Variants in ITPR3 observed in about 807,000 individuals in gnomAD.
ITPR3 encodes inositol 1,4,5-trisphosphate-gated calcium channel ITPR3.
A neutral mutation model predicts 293.2 loss-of-function variants in ITPR3; 173 were observed. The observed-to-expected ratio is 0.59, with a 90% CI of 0.52 to 0.67. The LOEUF is 0.67. Among genes scored for constraint, ITPR3 ranks in the 30% least tolerant of loss-of-function variants. The pLI is 0.00. For synonymous variants in ITPR3, 1,295 were observed against 1,444.4 expected (o/e 0.90, Z 2.35); for missense variants, 2,796 against 3,592.1 (o/e 0.78, Z 5.66).
rs866608789 is a variant in ITPR3 at position 33,668,527 on chromosome 6, C to T, written c.1899C>T (p.Tyr633=). The T allele has an allele frequency of 1.2e-6, 2 of 1,614,190 alleles. No individual in the cohort carries two copies. The highest frequency in any genetic ancestry group is 1.6e-4 in the Middle Eastern group (1 of 6,062). The change falls in exon 17 of 58, where the codon TAC becomes TAT. Residue 633 remains tyrosine, a synonymous_variant. Coordinates refer to ENST00000605930, the MANE Select transcript of ITPR3 (RefSeq NM_002224.4). ...GTCACCACCCCAGGTTCCTGGACTA[C>T]CTCTCTGACCTGTGTGTGTCCAACC... The part of the protein sequence containing the change: ...RKNREPRFLD[Y]LSDLCVSNHI...
intron 8 of ITPR3, 92 bp downstream of exon 8, chr6:33,662,766 C>T: frequency 6.5e-7 from 1 of 1,535,380 alleles, no homozygotes; most frequent in Non-Finnish European, 8.8e-7. Context: ...GATATTGACC[C>T]CTACCTCCCT....
chr6:33,676,581 G>A (rs1764912342), intron 25 of ITPR3, among the ~76,000 whole-genome samples, 187 bp from the exon 26 acceptor site: 2 of 152,246 alleles, frequency 1.3e-5, no homozygotes, highest in African/African-American at 4.8e-5. Flanking sequence ...GTGGCCAGCA[G>A]GGAAGGCTTC....
intron 7 of ITPR3, among the ~76,000 whole-genome samples, chr6:33,661,690 CA>C (rs1764472328): frequency 6.6e-6 from 1 of 152,084 alleles, no homozygotes; most frequent in Admixed American, 6.6e-5. Context: ...TGAGGTCACA[CA>C]GCTTTTAAGA....
Position 33,621,627 on chromosome 6 carries a change from C to T in ITPR3, c.25C>T (p.His9Tyr), listed in dbSNP as rs201726270. ...CATGAGTGAAATGTCCAGCTTTCTT[C>T]ACATCGGGGACATCGTCTCCCTGTA... MSEMSSFL[H>Y]IGDIVSLYAE... The change falls in exon 1 of 58, where the codon CAC becomes TAC. Residue 9 changes from histidine (H) to tyrosine (Y), a missense_variant. Around this residue, in one of 8 missense-constraint regions of ITPR3, gnomAD observed 22 missense variants for 56.5 expected, o/e 0.39. Transcript: ENST00000605930. This position sits in a 1 kb window ranked among gnomAD's most constrained non-coding sequence, Gnocchi z 7.7. 88 of 1,607,530 alleles carry T rather than the reference C, an allele frequency of 5.5e-5. No individual in the cohort carries two copies. The African/African-American group carries it at 9.1e-4, about 17-fold the overall frequency.
chr6:33,680,519 T>G, intron 32 of ITPR3, 36 bp from the exon 33 acceptor site: 2 of 1,610,884 alleles, frequency 1.2e-6, no homozygotes. Flanking sequence ...GGGCCCCATG[T>G]GAGGAGCCCC....
intron 2 of ITPR3, among the ~76,000 whole-genome samples, chr6:33,648,517 A>G (rs1277746698): frequency 1.3e-5 from 2 of 148,856 alleles, no homozygotes; most frequent in African/African-American, 4.9e-5. Flanking sequence ...ACCTTTATAA[A>G]CCTGAGAGTC....
At position 33,667,367 on chromosome 6, in the gene ITPR3, C is replaced by T. The variant is rs1764638655; in HGVS notation, c.1713+77C>T. On this transcript the variant is annotated intron_variant, in intron 15 of 57. Transcript: ENST00000605930. This position sits in a 1 kb window ranked among gnomAD's most constrained non-coding sequence, Gnocchi z 4.4. Reference sequence around the variant, plus strand: ...CAAGCGATTTCCTCAGGCACATGTGCTGTGCCAGGCACTGTTTTGGGGCCT... The same window carrying T: ...CAAGCGATTTCCTCAGGCACATGTGTTGTGCCAGGCACTGTTTTGGGGCCT... The T allele has an allele frequency of 1.3e-5, 19 of 1,507,504 alleles. No homozygotes were observed. Among genetic ancestry groups the T allele is most frequent in the East Asian group, 7.3e-5 (3 of 40,946 alleles). The allele number at this position is 1,507,504 out of a possible 1,614,324, so 93.4% of individuals were successfully genotyped here.
In ITPR3 at chr6:33,667,318, G is replaced by A. The variant is rs1187491194; in HGVS notation, c.1713+28G>A. The A allele has an allele frequency of 1.8e-5, 29 of 1,602,802 alleles. No individual in the cohort carries two copies. The highest frequency in any genetic ancestry group is 2.2e-5 in the South Asian group (2 of 89,994). On this transcript the variant is annotated intron_variant, in intron 15 of 57. Coordinates refer to ENST00000605930, the MANE Select transcript of ITPR3 (RefSeq NM_002224.4). The surrounding 1 kb of genome is among the most constrained non-coding windows in gnomAD (Gnocchi z 4.4). ...GCGCCGCTGCCCTGCTGGCCCACTC[G>A]CTGGCTGCACGTTCCTTCCTCAGCA...
intron 10 of ITPR3, 83 bp downstream of exon 10, chr6:33,663,633 G>A (rs533741252): frequency 4.4e-6 from 7 of 1,606,472 alleles, no homozygotes; most frequent in Middle Eastern, 1.7e-4. Context: ...GAAAACCTGG[G>A]AGGTGGGCTG....
At chr6:33,665,297 G>A in intron 13 of ITPR3, 84 bp downstream of exon 13, 1 of 1,522,822 alleles carries the variant, frequency 6.6e-7, no homozygotes, top group South Asian at 1.3e-5. Flanking sequence ...TCATGAAGCA[G>A]AAGCTGGGCA....
intron 1 of ITPR3, among the ~76,000 whole-genome samples, chr6:33,634,026 G>C (rs1561850420): frequency 6.6e-6 from 1 of 152,134 alleles, no homozygotes; most frequent in Non-Finnish European, 1.5e-5. Flanking sequence ...CTGGCCCCAG[G>C]TCTCCCGACA....
rs1046014351 is a variant in ITPR3, at chr6:33,692,939, C to T, written c.7624+46C>T. The stretch of plus-strand genomic sequence containing the variant: ...TGTGGAGGCCGCAGCGGGGCTGGAA[C>T]GTCATCTGATGCCAGTGGCAGTAGC... On this transcript the variant is annotated intron_variant, in intron 55 of 57. Coordinates refer to ENST00000605930, the MANE Select transcript of ITPR3 (RefSeq NM_002224.4). This position sits in a 1 kb window ranked among gnomAD's most constrained non-coding sequence, Gnocchi z 4.2. 4 of 1,596,868 alleles carry T rather than the reference C, an allele frequency of 2.5e-6. No individual in the cohort carries two copies. The highest frequency in any genetic ancestry group is 3.4e-6 in the Non-Finnish European group (4 of 1,168,094).
intron 1 of ITPR3, among the ~76,000 whole-genome samples, chr6:33,629,382 G>A (rs539330954): frequency 9.9e-5 from 15 of 152,040 alleles, no homozygotes; most frequent in East Asian, 9.7e-4. Context: ...CTGTAACCTC[G>A]AACTCCTGAG....
chr6:33,657,626 C>A (rs766835922), intron 3 of ITPR3, among the ~76,000 whole-genome samples: 4 of 149,058 alleles, frequency 2.7e-5, no homozygotes, highest in Non-Finnish European at 6.0e-5. Context: ...AAGGGGATTG[C>A]GGGGGATGCT....
chr6:33,663,760 G>A lies in ITPR3; in HGVS notation c.1028G>A (p.Arg343His), dbSNP rs150170523. 20 of 1,614,074 alleles carry A rather than the reference G, an allele frequency of 1.2e-5. No homozygotes were observed. Among genetic ancestry groups the A allele is most frequent in the Admixed American group, 3.3e-5 (2 of 60,024 alleles). The part of the protein sequence containing the change: ...AGMGAQGRTG[R>H]RNAGEKIKYC... The stretch of plus-strand genomic sequence containing the variant: ...CAGGGGGCACAGGGCCGCACAGGCC[G>A]CAGGAATGCTGGGGAGAAGATCAAG... Residue 343 changes from arginine (R) to histidine (H), a missense_variant, in exon 11 of 58, where the codon CGC (arginine) becomes CAC (histidine). Arg to His is a conservative substitution (Grantham distance 29). Transcript: ENST00000605930.
Position 33,671,263 on chromosome 6 carries a change from G to A in ITPR3, c.2685G>A (p.Val895=). 1 of 1,613,686 alleles carries A rather than the reference G, an allele frequency of 6.2e-7. No individual in the cohort carries two copies. Residue 895 remains valine, a synonymous_variant, in exon 21 of 58, where the codon GTG becomes GTA. Coordinates refer to ENST00000605930, the MANE Select transcript of ITPR3 (RefSeq NM_002224.4). ...TRTLLGIIDC[V]QGPPAMLQAY... is the part of the protein sequence containing the mutation. Reference sequence around the variant, plus strand: ...CACTGCTGGGCATCATCGACTGTGTGCAGGGGCCCCCGGCCATGCTGCAGG... The same window carrying A: ...CACTGCTGGGCATCATCGACTGTGTACAGGGGCCCCCGGCCATGCTGCAGG...
rs1411903630 is a variant in ITPR3 at position 33,670,208 on chromosome 6, G to A, written c.2190-117G>A. 1.5e-5 allele frequency: 16 copies of A among 1,059,842 alleles called. No individual in the cohort carries two copies. The highest frequency in any genetic ancestry group is 2.1e-5 in the Non-Finnish European group (15 of 716,862). The allele number at this position is 1,059,842 out of a possible 1,614,324, so 65.7% of individuals were successfully genotyped here. A position where few individuals can be genotyped will look rare whatever the true frequency, so the allele number is the denominator to read the frequency against. On this transcript the variant is annotated intron_variant, in intron 18 of 57. Transcript: ENST00000605930. This position sits in a 1 kb window ranked among gnomAD's most constrained non-coding sequence, Gnocchi z 6.7. ...TTTCTAACTCAGAATTGCAGCTGGC[G>A]CATCTTTAACCTAATCCCTTTGCCA...
chr6:33,672,883 G>C lies in ITPR3; in HGVS notation c.2928+655G>C, dbSNP rs903875790. Among the ~76,000 whole-genome samples the C allele has an allele frequency of 6.6e-6, 1 of 152,212 alleles. No homozygotes were observed. Among genetic ancestry groups the C allele is most frequent in the Non-Finnish European group, 1.5e-5 (1 of 68,036 alleles). ...TTGTGGTCTCATCTGAGACTCCCCA[G>C]CCACACCCCAGGAAGGGGCTCATCC... On this transcript the variant is annotated intron_variant, in intron 22 of 57. Transcript: ENST00000605930. This position sits in a 1 kb window ranked among gnomAD's most constrained non-coding sequence, Gnocchi z 5.0.
Position 33,621,853 on chromosome 6 carries a change from T to C in ITPR3, c.89+162T>C, listed in dbSNP as rs969250142. On this transcript the variant is annotated intron_variant, in intron 1 of 57. Coordinates refer to ENST00000605930, the MANE Select transcript of ITPR3 (RefSeq NM_002224.4). The surrounding 1 kb of genome is among the most constrained non-coding windows in gnomAD (Gnocchi z 7.7). Reference sequence around the variant, plus strand: ...GCCTCCTTCTTTTACAGAAAGGAAGTGAAGTGTTTGCTCAGGTAGGACTCG... The same window carrying C: ...GCCTCCTTCTTTTACAGAAAGGAAGCGAAGTGTTTGCTCAGGTAGGACTCG... Among the ~76,000 whole-genome samples, 25 of 152,096 alleles carry C rather than the reference T, an allele frequency of 1.6e-4. No individual in the cohort carries two copies. The highest frequency in any genetic ancestry group is 3.4e-3 in the Middle Eastern group (1 of 292).
Sources: gnomAD v4.1 joint callset for allele counts (sites outside exome capture counted in the v4.1 genomes callset) on GRCh38, gnomAD v4.1.1 for gene constraint, gnomAD v4.1.1 regional missense constraint, Gnocchi (gnomAD v3.1) non-coding constraint, MANE v1.5 for transcripts, NCBI Gene and HGNC (gene_info 2026-07-23, HGNC 2026-07-21) for gene names.